Variants in PCDHA7 observed in about 807,000 individuals in gnomAD.
The protein encoded by PCDHA7 is protocadherin alpha 7.
In PCDHA7, 37 loss-of-function variants were observed where a neutral mutation model predicts 57.2. The ratio of observed to expected loss-of-function variants is 0.65; its 90% CI spans 0.50 to 0.85. PCDHA7 has a LOEUF of 0.85. Among genes scored for constraint, PCDHA7 ranks in the 40% least tolerant of loss-of-function variants. The pLI is 0.00. For synonymous variants in PCDHA7, 553 were observed against 558.8 expected, an observed-to-expected ratio of 0.99 and a Z score of 0.15; for missense variants, 1,188 against 1,241.8, an observed-to-expected ratio of 0.96 and a Z score of 0.65.
At chr5:141,003,658 A>G (rs1379758431) in intron 3 of PCDHA7, among the ~76,000 whole-genome samples, 2 of 152,212 alleles carry the variant, frequency 1.3e-5, no homozygotes, top group Non-Finnish European at 2.9e-5. Flanking sequence ...GTATGCATTT[A>G]TTAAAATATA....
intron 3 of PCDHA7, among the ~76,000 whole-genome samples, chr5:140,989,495 A>G (rs1408191575): frequency 6.6e-6 from 1 of 152,136 alleles, no homozygotes; most frequent in African/African-American, 2.4e-5. Context: ...AACAAGAAAG[A>G]CCTGCTTATA....
rs1773498411 is a variant in PCDHA7 at position 140,835,174 on chromosome 5, C to T, written c.791C>T (p.Pro264Leu). 2 of 1,503,684 alleles carry T rather than the reference C, an allele frequency of 1.3e-6. No homozygotes were observed. The highest frequency in any genetic ancestry group is 1.8e-6 in the Non-Finnish European group (2 of 1,111,620). The allele number at this position is 1,503,684 out of a possible 1,614,324, so 93.1% of individuals were successfully genotyped here. Reference sequence around the variant, plus strand: ...TCTATCGGAACGCTGGTGATTCACCCCAATGCCTCAGATTTAGACGAAGGC... The same window carrying T: ...TCTATCGGAACGCTGGTGATTCACCTCAATGCCTCAGATTTAGACGAAGGC... ...NVSIGTLVIH[P>L]NASDLDEGLN... Residue 264 changes from proline (P) to leucine (L), a missense_variant, in exon 1 of 4, where the codon CCC becomes CTC. Coordinates refer to ENST00000525929, the MANE Select transcript of PCDHA7 (RefSeq NM_018910.3).
At chr5:140,995,559 A>G (rs2097689300) in intron 3 of PCDHA7, among the ~76,000 whole-genome samples, 1 of 152,242 alleles carries the variant, frequency 6.6e-6, no homozygotes, top group South Asian at 2.1e-4. Context: ...TGTACTGAAT[A>G]ATATGTCAAG....
At chr5:140,964,183 C>A (rs1422782402) in intron 1 of PCDHA7, among the ~76,000 whole-genome samples, 2 of 152,164 alleles carry the variant, frequency 1.3e-5, no homozygotes, top group Non-Finnish European at 2.9e-5. Context: ...CATTATAGTG[C>A]CAAATAGAGT....
chr5:141,004,632 GA>G (rs1401867459), intron 3 of PCDHA7, among the ~76,000 whole-genome samples: 19 of 152,200 alleles, frequency 1.2e-4, no homozygotes, highest in African/African-American at 3.4e-4. Context: ...TATGGTTGAA[GA>G]AAAATTTCCA....
chr5:140,877,821 T>C (rs2057358206), intron 1 of PCDHA7: 1 of 1,603,226 alleles, frequency 6.2e-7, no homozygotes, highest in East Asian at 2.2e-5. Flanking sequence ...GAGAAGATTG[T>C]TTAAATCCTC....
chr5:140,999,603 G>C (rs552647484), intron 3 of PCDHA7, among the ~76,000 whole-genome samples: 1 of 152,246 alleles, frequency 6.6e-6, no homozygotes, highest in South Asian at 2.1e-4. Flanking sequence ...TACATCCTGG[G>C]GGACCTTATC....
intron 1 of PCDHA7, chr5:140,930,126 C>T (rs1286889846): frequency 6.6e-6 from 1 of 152,108 alleles, no homozygotes; most frequent in Non-Finnish European, 1.5e-5. Flanking sequence ...GGATATAGGA[C>T]TTGACAACCT....
Position 140,869,160 on chromosome 5 carries a change from C to T in PCDHA7, c.2355+32422C>T, listed in dbSNP as rs201759355. 10 of 1,613,886 alleles carry T rather than the reference C, an allele frequency of 6.2e-6. No homozygotes were observed. In the East Asian group the frequency reaches 2.0e-4, roughly 32 times the overall value. On this transcript the variant is annotated intron_variant, in intron 1 of 3. Transcript: ENST00000525929. ...CCCCACGACTACAGCTCTGGCTTCT[C>T]CTCCTCGAATTCTGGGAGGTGGGGA...
intron 3 of PCDHA7, among the ~76,000 whole-genome samples, chr5:141,006,902 A>T (rs1563704110): frequency 6.6e-6 from 1 of 152,218 alleles, no homozygotes; most frequent in Non-Finnish European, 1.5e-5. Context: ...AGATTTCTTC[A>T]GTTTGGGATG....
chr5:140,849,910 G>A, intron 1 of PCDHA7: 1 of 1,598,272 alleles, frequency 6.3e-7, no homozygotes. Flanking sequence ...CCGCCGGGCT[G>A]CCACATCTTC....
At chr5:140,968,474 G>A (rs1394773296) in intron 1 of PCDHA7, 2 of 1,614,110 alleles carry the variant, frequency 1.2e-6, no homozygotes, top group Non-Finnish European at 1.7e-6. Flanking sequence ...CGTATATGTG[G>A]TGGACATGAA....
chr5:140,892,536 A>G (rs916916323), intron 1 of PCDHA7, among the ~76,000 whole-genome samples: 1 of 152,208 alleles, frequency 6.6e-6, no homozygotes, highest in African/African-American at 2.4e-5. Flanking sequence ...CAGGATTCTG[A>G]CTTTTGTTTC....
Position 140,834,702 on chromosome 5 carries a change from G to C in PCDHA7, c.319G>C (p.Glu107Gln). 1 of 1,614,258 alleles carries C rather than the reference G, an allele frequency of 6.2e-7. No homozygotes were observed. Residue 107 changes from glutamate (E) to glutamine (Q), a missense_variant, in exon 1 of 4, where the codon GAG becomes CAG. Physicochemically the swap from Glu to Gln is conservative, Grantham distance 29. Coordinates refer to ENST00000525929, the MANE Select transcript of PCDHA7 (RefSeq NM_018910.3). ...GRSAECSIHL[E>Q]VIVERPLQVF... is the part of the protein sequence containing the mutation. Reference sequence around the variant, plus strand: ...GAGCGCGGAGTGCAGCATCCACCTGGAGGTGATCGTGGAAAGGCCGCTGCA... The same window carrying C: ...GAGCGCGGAGTGCAGCATCCACCTGCAGGTGATCGTGGAAAGGCCGCTGCA...
At chr5:140,923,888 G>A (rs575485843) in intron 1 of PCDHA7, among the ~76,000 whole-genome samples, 1 of 152,294 alleles carries the variant, frequency 6.6e-6, no homozygotes, top group Admixed American at 6.5e-5. Context: ...GTGTGAAAGA[G>A]GAGGAGTTTC....
At chr5:140,970,384 C>T (rs2096401322) in intron 1 of PCDHA7, among the ~76,000 whole-genome samples, 1 of 152,104 alleles carries the variant, frequency 6.6e-6, no homozygotes, top group Admixed American at 6.5e-5. Flanking sequence ...AAAAGGCTGG[C>T]TTGGAAAGTG....
intron 1 of PCDHA7, among the ~76,000 whole-genome samples, chr5:140,916,528 C>T (rs2077601043): frequency 6.6e-6 from 1 of 152,154 alleles, no homozygotes; most frequent in South Asian, 2.1e-4. Context: ...TGGGTCCTTC[C>T]CACCAAGGCA....
intron 1 of PCDHA7, among the ~76,000 whole-genome samples, chr5:140,937,827 G>A (rs1328688983): frequency 2.6e-5 from 4 of 151,564 alleles, no homozygotes; most frequent in Non-Finnish European, 5.9e-5. Context: ...CAGGAGAATG[G>A]CATGAACCTG....
chr5:140,925,337 AT>A (rs1197479455), intron 1 of PCDHA7, among the ~76,000 whole-genome samples: 1 of 152,072 alleles, frequency 6.6e-6, no homozygotes, highest in Non-Finnish European at 1.5e-5. Flanking sequence ...TAAAAGAAGG[AT>A]TTGAGTGAGG....
Sources: allele counts gnomAD v4.1 joint callset (sites outside exome capture counted in the v4.1 genomes callset), GRCh38; gene constraint gnomAD v4.1.1; transcripts MANE v1.5; gene names NCBI Gene and HGNC (gene_info 2026-07-23, HGNC 2026-07-21).